Variants in TMEM212 observed in about 807,000 individuals in gnomAD.
TMEM212 encodes the protein transmembrane protein 212.
A neutral mutation model predicts 20.5 loss-of-function variants in TMEM212; 23 were observed. That is an observed-to-expected ratio of 1.12 (90% confidence interval 0.81 to 1.59). The LOEUF (loss-of-function observed/expected upper bound fraction) is 1.59. Ranked by LOEUF, TMEM212 falls within the 40% of genes most tolerant of loss-of-function variation. The pLI is 0.00. For synonymous variants in TMEM212, 76 were observed against 81.6 expected (o/e 0.93, Z 0.37); for missense variants, 211 against 215.0 (o/e 0.98, Z 0.12).
chr3:171,856,179 T>TA (rs1189656942), intron 3 of TMEM212, among the ~76,000 whole-genome samples: 1 of 152,278 alleles, frequency 6.6e-6, no homozygotes, highest in East Asian at 1.9e-4. Context: ...ATCAGCTTCT[T>TA]AAAAAATCTT....
chr3:171,853,401 A>T (rs920680006), intron 2 of TMEM212, 126 bp from the exon 3 acceptor site: 889 of 618,918 alleles, frequency 1.4e-3, no homozygotes, highest in Middle Eastern at 5.6e-3. Flanking sequence ...GTCGTGATTG[A>T]TTTCTCCCTC....
intron 2 of TMEM212, among the ~76,000 whole-genome samples, chr3:171,852,458 C>T (rs1312382825): frequency 1.3e-5 from 2 of 152,308 alleles, no homozygotes; most frequent in East Asian, 3.9e-4. Context: ...ACATCAGTCT[C>T]CCAAAATGCT....
chr3:171,846,907 T>A (rs16856725), intron 1 of TMEM212, among the ~76,000 whole-genome samples: 3 of 152,008 alleles, frequency 2.0e-5, no homozygotes, highest in South Asian at 2.1e-4. Context: ...GTGACAAGAT[T>A]TGTACATTTC....
chr3:171,843,490 G>C lies in TMEM212; in HGVS notation c.107G>C (p.Trp36Ser). The C allele has an allele frequency of 2.0e-6, 3 of 1,536,888 alleles. No individual in the cohort carries two copies. The highest frequency in any genetic ancestry group is 2.6e-6 in the Non-Finnish European group (3 of 1,146,738). Reference sequence around the variant, plus strand: ...TTTCCTGTCTTTTCTTACAAGCCTTGGTTCACAGGATGGAGTGTTCGAATT... The same window carrying C: ...TTTCCTGTCTTTTCTTACAAGCCTTCGTTCACAGGATGGAGTGTTCGAATT... ...AFFPVFSYKPWFTGWSVRIAC... is the reference protein window; with the variant it reads ...AFFPVFSYKPSFTGWSVRIAC... Residue 36 changes from tryptophan to serine, a missense_variant, in exon 1 of 5, where the codon TGG becomes TCG. By Grantham distance (177) the Trp-to-Ser change is radical. Coordinates refer to ENST00000334567, the MANE Select transcript of TMEM212 (RefSeq NM_001164436.2).
intron 1 of TMEM212, 70 bp downstream of exon 1, chr3:171,843,612 A>G: frequency 1.5e-6 from 2 of 1,328,146 alleles, no homozygotes; most frequent in South Asian, 3.2e-5. Context: ...AAACAGAAGA[A>G]CATATCCTTT....
chr3:171,853,623 T>C lies in TMEM212; in HGVS notation c.316T>C (p.Phe106Leu), dbSNP rs2108381769. 5 of 1,537,360 alleles carry C rather than the reference T, an allele frequency of 3.3e-6. No individual in the cohort carries two copies. Among genetic ancestry groups the C allele is most frequent in the South Asian group, 1.2e-5 (1 of 84,056 alleles). ...ATCTGCTCTCCTGGGCCCATATTGC[T>C]TCTATTCATTTTCAGGGATTGCAGG... Reference protein sequence around the residue: ...LESALLGPYCFYSFSGIAGTN... With the variant: ...LESALLGPYCLYSFSGIAGTN... Residue 106 changes from phenylalanine (F) to leucine (L), a missense_variant, in exon 3 of 5, where the codon TTC becomes CTC. By Grantham distance (22) the Phe-to-Leu change is conservative. Coordinates refer to ENST00000334567, the MANE Select transcript of TMEM212 (RefSeq NM_001164436.2).
intron 4 of TMEM212, 140 bp downstream of exon 4, chr3:171,856,847 G>T: frequency 4.6e-6 from 2 of 432,646 alleles, no homozygotes; most frequent in Admixed American, 8.0e-5. Context: ...TTATTAAAAT[G>T]GGTACTGCAT....
Position 171,843,354 on chromosome 3 carries a change from T to C in TMEM212, c.-30T>C, listed in dbSNP as rs1553852474. On this transcript the variant is annotated 5_prime_UTR_variant, in exon 1 of 5. Coordinates refer to ENST00000334567, the MANE Select transcript of TMEM212 (RefSeq NM_001164436.2). ...TCATGTTTTGGTAACAAAACATCTT[T>C]GAGACCAAGGCCTCAAGCCACCAAG... 8 of 1,513,690 alleles carry C rather than the reference T, an allele frequency of 5.3e-6. No homozygotes were observed. The highest frequency in any genetic ancestry group is 8.8e-7 in the Non-Finnish European group (1 of 1,135,582). The allele number at this position is 1,513,690 out of a possible 1,614,324, so 93.8% of individuals were successfully genotyped here.
chr3:171,852,929 G>A (rs1000533364), intron 2 of TMEM212, among the ~76,000 whole-genome samples: 2 of 152,244 alleles, frequency 1.3e-5, no homozygotes, highest in Non-Finnish European at 2.9e-5. Context: ...GATTCTGCAT[G>A]TCTGCCAAGC....
intron 1 of TMEM212, among the ~76,000 whole-genome samples, chr3:171,845,290 C>T (rs987487174): frequency 6.6e-6 from 1 of 152,040 alleles, no homozygotes; most frequent in African/African-American, 2.4e-5. Flanking sequence ...ATATCTACAT[C>T]TATTATGTAT....
intron 4 of TMEM212, among the ~76,000 whole-genome samples, chr3:171,857,652 T>C (rs1039942687): frequency 6.6e-6 from 1 of 152,026 alleles, no homozygotes; most frequent in Non-Finnish European, 1.5e-5. Context: ...GGGATTAATA[T>C]CCAAAATATA....
chr3:171,853,947 C>A, intron 3 of TMEM212, 97 bp downstream of exon 3: 1 of 885,752 alleles, frequency 1.1e-6, no homozygotes, highest in Non-Finnish European at 1.7e-6. Flanking sequence ...CTGTTATTTA[C>A]CATTGTATCC....
chr3:171,845,019 G>GT (rs368042961), intron 1 of TMEM212, among the ~76,000 whole-genome samples: 14 of 151,254 alleles, frequency 9.3e-5, no homozygotes, highest in East Asian at 3.9e-4. Flanking sequence ...CTCTTTCTCA[G>GT]TTTTTTTTTC....
intron 1 of TMEM212, among the ~76,000 whole-genome samples, chr3:171,850,025 T>A (rs998473102): frequency 1.3e-5 from 2 of 152,058 alleles, no homozygotes; most frequent in Non-Finnish European, 2.9e-5. Context: ...ACTCCCTCTC[T>A]CACATTTTCT....
At chr3:171,848,137 C>T (rs1025122395) in intron 1 of TMEM212, among the ~76,000 whole-genome samples, 2 of 152,118 alleles carry the variant, frequency 1.3e-5, no homozygotes, top group African/African-American at 4.8e-5. Flanking sequence ...GTGATTTTGA[C>T]TCAACCTGTT....
chr3:171,847,737 C>T (rs560926065), intron 1 of TMEM212, among the ~76,000 whole-genome samples: 2 of 151,950 alleles, frequency 1.3e-5, no homozygotes, highest in Non-Finnish European at 2.9e-5. Context: ...TACAGACCTA[C>T]CAGTTTTCTT....
intron 4 of TMEM212, among the ~76,000 whole-genome samples, chr3:171,857,333 A>G (rs1488481950): frequency 6.6e-6 from 1 of 152,300 alleles, no homozygotes; most frequent in South Asian, 2.1e-4. Flanking sequence ...GGAAAACTGG[A>G]TATCTACATG....
chr3:171,852,088 C>A, intron 2 of TMEM212, 47 bp downstream of exon 2: 2 of 1,378,728 alleles, frequency 1.5e-6, no homozygotes, highest in South Asian at 2.5e-5. Flanking sequence ...CTTTGAAGGT[C>A]AAATCACTAC....
intron 1 of TMEM212, among the ~76,000 whole-genome samples, chr3:171,845,688 A>ATT (rs1724814462): frequency 6.6e-6 from 1 of 152,206 alleles, no homozygotes; most frequent in Non-Finnish European, 1.5e-5. Context: ...AAATGGAGTC[A>ATT]GAGATAAAGG....
Sources: allele counts gnomAD v4.1 joint callset (sites outside exome capture counted in the v4.1 genomes callset), GRCh38; gene constraint gnomAD v4.1.1; transcripts MANE v1.5; gene names NCBI Gene and HGNC (gene_info 2026-07-23, HGNC 2026-07-21).